Variants in RARB observed in about 807,000 individuals in gnomAD.
RARB encodes HBV-activated protein.
RARB carries 17 observed loss-of-function variants against 51.9 expected under a neutral mutation model. That is an observed-to-expected ratio of 0.33 (90% CI 0.22 to 0.49). The LOEUF (loss-of-function observed/expected upper bound fraction) is 0.49, where lower values mean the gene tolerates loss of function less well. Among genes scored for constraint, RARB ranks in the 20% least tolerant of loss-of-function variants. The pLI, the probability that RARB is intolerant of heterozygous loss-of-function variation, is 0.99. For missense variants in RARB, 369 were observed against 550.8 expected (o/e 0.67, Z 3.30); for synonymous variants, 215 against 195.4 (o/e 1.10, Z -0.84).
At chr3:25,005,757 C>T (rs369393375) in intron 2 of RARB, among the ~76,000 whole-genome samples, 253 of 152,206 alleles carry the variant, frequency 1.7e-3, no homozygotes, top group African/African-American at 5.7e-3. Flanking sequence ...GGCTACTACG[C>T]TCCTCCTGGT....
intron 2 of RARB, among the ~76,000 whole-genome samples, chr3:24,923,010 T>C (rs1218177533): frequency 6.6e-6 from 1 of 152,206 alleles, no homozygotes; most frequent in Non-Finnish European, 1.5e-5. Context: ...GATTCTTTAT[T>C]TGTATCCCAC....
At chr3:25,532,545 G>C (rs1183998294) in intron 3 of RARB, among the ~76,000 whole-genome samples, 2 of 152,222 alleles carry the variant, frequency 1.3e-5, no homozygotes, top group Non-Finnish European at 2.9e-5. Context: ...AGTTTCTCTA[G>C]TGATAATTTA....
chr3:25,162,274 T>G (rs1700485962), intron 4 of RARB, among the ~76,000 whole-genome samples: 2 of 152,088 alleles, frequency 1.3e-5, no homozygotes, highest in Non-Finnish European at 2.9e-5. Flanking sequence ...TGGCTAAATT[T>G]TTTATTTTTA....
At chr3:25,562,254 C>G (rs1296740745) in intron 3 of RARB, among the ~76,000 whole-genome samples, 1 of 150,674 alleles carries the variant, frequency 6.6e-6, no homozygotes, top group Non-Finnish European at 1.5e-5. Context: ...TTTTCTAGAT[C>G]AGAGGTTTTT....
At chr3:25,392,989 A>G (rs920072840) in intron 5 of RARB, among the ~76,000 whole-genome samples, 3 of 152,240 alleles carry the variant, frequency 2.0e-5, no homozygotes, top group Admixed American at 6.5e-5. Context: ...GAATGACTTC[A>G]GATTTTCCCC....
At chr3:25,039,221 T>G (rs1439503436) in intron 2 of RARB, among the ~76,000 whole-genome samples, 1 of 152,128 alleles carries the variant, frequency 6.6e-6, no homozygotes, top group Non-Finnish European at 1.5e-5. Flanking sequence ...CAAAGAAGGG[T>G]GAGGCAGAGG....
chr3:24,860,711 C>A (rs1702734475), intron 2 of RARB, among the ~76,000 whole-genome samples: 1 of 151,968 alleles, frequency 6.6e-6, no homozygotes, highest in Non-Finnish European at 1.5e-5. Context: ...AATAGAATAC[C>A]CCCTAAGTAT....
intron 5 of RARB, among the ~76,000 whole-genome samples, chr3:25,294,566 C>A (rs1703871856): frequency 6.6e-6 from 1 of 152,116 alleles, no homozygotes; most frequent in Admixed American, 6.5e-5. Context: ...GCTGAAGGGA[C>A]TACAGGAAGA....
chr3:24,844,552 A>T (rs1702463163), intron 1 of RARB, among the ~76,000 whole-genome samples: 1 of 152,234 alleles, frequency 6.6e-6, no homozygotes, highest in Non-Finnish European at 1.5e-5. Context: ...ACCCAGAGAA[A>T]GATGAAATTG....
intron 3 of RARB, among the ~76,000 whole-genome samples, chr3:25,082,524 A>G (rs1173024889): frequency 6.6e-6 from 1 of 152,220 alleles, no homozygotes; most frequent in African/African-American, 2.4e-5. Context: ...TTCTCCAAGT[A>G]TAATGGTAAA....
chr3:25,517,359 A>G (rs1698212946), intron 3 of RARB, among the ~76,000 whole-genome samples: 1 of 152,238 alleles, frequency 6.6e-6, no homozygotes, highest in South Asian at 2.1e-4. Flanking sequence ...CCACCAAAGA[A>G]AATATACAAA....
At chr3:25,569,207 T>A (rs1374305324) in intron 3 of RARB, among the ~76,000 whole-genome samples, 1 of 152,230 alleles carries the variant, frequency 6.6e-6, no homozygotes, top group Non-Finnish European at 1.5e-5. Flanking sequence ...TACAGAAAGT[T>A]TAGAAAGCAG....
intron 5 of RARB, among the ~76,000 whole-genome samples, chr3:25,271,250 A>C (rs906503957): frequency 6.6e-6 from 1 of 152,220 alleles, no homozygotes; most frequent in Admixed American, 6.5e-5. Flanking sequence ...TAAAATTGTA[A>C]GATGGGGTGG....
At chr3:25,400,342 A>G (rs1707231103) in intron 5 of RARB, among the ~76,000 whole-genome samples, 1 of 152,174 alleles carries the variant, frequency 6.6e-6, no homozygotes, top group South Asian at 2.1e-4. Context: ...GTTATAGCAT[A>G]AGTATCAAAC....
In RARB at chr3:25,004,427, A is replaced by C. The variant is rs754065769; in HGVS notation, c.-379-55698A>C. On this transcript the variant is annotated intron_variant, in intron 2 of 11. Transcript: ENST00000383772. ...CTGAAAAGTCCAAGATCAAGAGACC[A>C]GCATCCAGTGGTGAAAGTCATCACA... is the stretch of plus-strand genomic sequence containing the variant. Among the ~76,000 whole-genome samples the C allele has an allele frequency of 1.2e-3, 176 of 152,302 alleles. 2 individuals carry two copies. Among genetic ancestry groups the C allele is most frequent in the Non-Finnish European group, 1.7e-3 (119 of 68,018 alleles).
intron 4 of RARB, among the ~76,000 whole-genome samples, chr3:25,140,163 T>G (rs2125336642): frequency 6.6e-6 from 1 of 152,276 alleles, no homozygotes; most frequent in South Asian, 2.1e-4. Flanking sequence ...TAACTTCAAC[T>G]TTTAGGCCTT....
chr3:24,938,624 T>A (rs1482360120), intron 2 of RARB, among the ~76,000 whole-genome samples: 3 of 152,160 alleles, frequency 2.0e-5, no homozygotes, highest in African/African-American at 4.8e-5. Flanking sequence ...TTAAGTGGCA[T>A]TAAGCACGCT....
intron 2 of RARB, among the ~76,000 whole-genome samples, chr3:24,859,777 T>A (rs572783207): frequency 6.6e-6 from 1 of 152,356 alleles, no homozygotes; most frequent in South Asian, 2.1e-4. Flanking sequence ...GTGGGCCATA[T>A]GGTCTGTCAC....
At chr3:24,890,678 A>G (rs978457865) in intron 2 of RARB, among the ~76,000 whole-genome samples, 2 of 152,188 alleles carry the variant, frequency 1.3e-5, no homozygotes, top group African/African-American at 4.8e-5. Flanking sequence ...ATGTGAAGAA[A>G]CCTGGCTGAA....
Sources: allele counts gnomAD v4.1 joint callset (sites outside exome capture counted in the v4.1 genomes callset), GRCh38; gene constraint gnomAD v4.1.1; transcripts MANE v1.5; gene names NCBI Gene and HGNC (gene_info 2026-07-23, HGNC 2026-07-21).